WFS1: variants seen among roughly 807,000 people sequenced by gnomAD.
WFS1 encodes wolframin.
A neutral mutation model predicts 68.5 loss-of-function variants in WFS1; 90 were observed. The ratio of observed to expected loss-of-function variants is 1.31; its 90% confidence interval spans 1.11 to 1.56. WFS1 has a LOEUF of 1.56. WFS1 is among the 40% of genes most tolerant of loss of function. WFS1 has a pLI of 0.00. For synonymous variants in WFS1, 860 were observed against 540.7 expected, an observed-to-expected ratio of 1.59 and a Z score of -8.19; for missense variants, 1,767 against 1,232.6, an observed-to-expected ratio of 1.43 and a Z score of -6.49.
rs1024648941 is a variant in WFS1 at position 6,283,165 on chromosome 4, G to A, written c.233-3928G>A. Among the ~76,000 whole-genome samples, 1 of 152,176 alleles carries A rather than the reference G, an allele frequency of 6.6e-6. No individual in the cohort carries two copies. The highest frequency in any genetic ancestry group is 1.5e-5 in the Non-Finnish European group (1 of 68,044). On this transcript the variant is annotated intron_variant, in intron 2 of 7. Coordinates refer to ENST00000226760, the MANE Select transcript of WFS1 (RefSeq NM_006005.3). The surrounding 1 kb of genome is among the most constrained non-coding windows in gnomAD (Gnocchi z 5.0). ...GAGGGTCATTGACTGATTCCACGTGGCATCCATGAATCTCTCAAATCCATA... is the reference window on the plus strand; with the variant it reads ...GAGGGTCATTGACTGATTCCACGTGACATCCATGAATCTCTCAAATCCATA...
chr4:6,299,098 C>T (rs972011099), intron 7 of WFS1, among the ~76,000 whole-genome samples: 1 of 152,260 alleles, frequency 6.6e-6, no homozygotes, highest in Non-Finnish European at 1.5e-5. Flanking sequence ...GCTGTGTGAG[C>T]ACTGGCACCA....
At chr4:6,300,063 C>T (rs1578607336) in intron 7 of WFS1, among the ~76,000 whole-genome samples, 1 of 152,030 alleles carries the variant, frequency 6.6e-6, no homozygotes, top group Non-Finnish European at 1.5e-5. Context: ...CCCCGTGCAG[C>T]TGAACGGTAT....
rs1200815687 is a variant in WFS1, at chr4:6,287,076, T to C, written c.233-17T>C. ...TCTGGCTTTGTGACATGTGTGTTTG[T>C]TTCTTCTGTGTTAAAGGGCCTACAA... On this transcript the variant is annotated splice_polypyrimidine_tract_variant and intron_variant, in intron 2 of 7. Coordinates refer to ENST00000226760, the MANE Select transcript of WFS1 (RefSeq NM_006005.3). The surrounding 1 kb of genome is among the most constrained non-coding windows in gnomAD (Gnocchi z 6.4). 18 of 1,552,952 alleles carry C rather than the reference T, an allele frequency of 1.2e-5. No individual in the cohort carries two copies. The highest frequency in any genetic ancestry group is 1.5e-5 in the Non-Finnish European group (17 of 1,146,900).
intron 1 of WFS1, among the ~76,000 whole-genome samples, chr4:6,272,194 A>G (rs770501847): frequency 3.3e-5 from 5 of 152,330 alleles, no homozygotes; most frequent in South Asian, 2.1e-4. Context: ...AGCTGCTCCA[A>G]TGCTGGCCCT....
intron 6 of WFS1, 121 bp downstream of exon 6, chr4:6,292,118 G>C (rs575470091): frequency 2.0e-6 from 2 of 1,013,376 alleles, no homozygotes; most frequent in Non-Finnish European, 3.0e-6. Flanking sequence ...CCCAGCCTGC[G>C]CCTGCAGGGC....
Position 6,301,885 on chromosome 4 carries a change from G to A in WFS1, c.2090G>A (p.Arg697Lys), listed in dbSNP as rs1289628809. ...CTCTGCAGCCACCTGGAGGGCCACA[G>A]GGTCACGTGGACCGGCCGCTTCAAG... ...QILCSHLEGH[R>K]VTWTGRFKYV... The change falls in exon 8 of 8, where the codon AGG becomes AAG. Residue 697 changes from arginine to lysine, a missense_variant. Transcript: ENST00000226760. 2 of 1,612,712 alleles carry A rather than the reference G, an allele frequency of 1.2e-6. No individual in the cohort carries two copies. The highest frequency in any genetic ancestry group is 4.5e-5 in the East Asian group (2 of 44,870).
intron 2 of WFS1, among the ~76,000 whole-genome samples, chr4:6,282,222 G>A (rs539056697): frequency 1.7e-4 from 26 of 152,352 alleles, no homozygotes; most frequent in African/African-American, 6.0e-4. Context: ...GTCCATTCAC[G>A]AGAATCATTG....
Position 6,301,806 on chromosome 4 carries a change from G to A in WFS1, c.2011G>A (p.Ala671Thr), listed in dbSNP as rs763020615. 11 of 1,613,150 alleles carry A rather than the reference G, an allele frequency of 6.8e-6. No homozygotes were observed. The highest frequency in any genetic ancestry group is 5.9e-6 in the Non-Finnish European group (7 of 1,180,036). Residue 671 changes from alanine (A) to threonine (T), a missense_variant, in exon 8 of 8, where the codon GCG (alanine) becomes ACG (threonine). Physicochemically the swap from Ala to Thr is moderately conservative, Grantham distance 58. Transcript: ENST00000226760. ...NSTLTWQQYG[A>T]LCGPRAWKET... The stretch of plus-strand genomic sequence containing the variant: ...CACACTGACCTGGCAGCAGTATGGT[G>A]CGCTGTGCGGGCCACGCGCCTGGAA...
chr4:6,302,866 G>A lies in WFS1; in HGVS notation c.*398G>A. 1 of 294,392 alleles carries A rather than the reference G, an allele frequency of 3.4e-6. No individual in the cohort carries two copies. The highest frequency in any genetic ancestry group is 8.6e-5 in the East Asian group (1 of 11,694). 18.2% of individuals were successfully genotyped at this position (294,392 alleles called of 1,614,324 possible). On this transcript the variant is annotated 3_prime_UTR_variant, in exon 8 of 8. Coordinates refer to ENST00000226760, the MANE Select transcript of WFS1 (RefSeq NM_006005.3). The stretch of plus-strand genomic sequence containing the variant: ...TTGGATTTGTTTAAAAACCAAATAA[G>A]CATCTGTGTAACCTCCACAGTAGCA...
Position 6,291,811 on chromosome 4 carries a change from C to T in WFS1, c.632-106C>T, listed in dbSNP as rs559890448. The stretch of plus-strand genomic sequence containing the variant: ...TATGATCCCCAGAACGTAGGATGCC[C>T]CTGGAACTGGCGTGCCCTAGGAACA... On this transcript the variant is annotated intron_variant, in intron 5 of 7. Coordinates refer to ENST00000226760, the MANE Select transcript of WFS1 (RefSeq NM_006005.3). The T allele has an allele frequency of 1.8e-3, 2,296 of 1,246,596 alleles. 64 individuals are homozygous for T. The South Asian group carries it at 0.028, about 15-fold the overall frequency. 77.2% of individuals were successfully genotyped at this position (1,246,596 alleles called of 1,614,324 possible). A position where few individuals can be genotyped will look rare whatever the true frequency, so the allele number is the denominator to read the frequency against.
chr4:6,296,797 C>T (rs1172655693), intron 7 of WFS1, among the ~76,000 whole-genome samples: 1 of 152,116 alleles, frequency 6.6e-6, no homozygotes, highest in Non-Finnish European at 1.5e-5. Context: ...GATGGTGAGT[C>T]TAGTGTTGTG....
At chr4:6,275,186 G>C (rs1729957988) in intron 1 of WFS1, among the ~76,000 whole-genome samples, 1 of 152,240 alleles carries the variant, frequency 6.6e-6, no homozygotes, top group Non-Finnish European at 1.5e-5. Flanking sequence ...GCGTAGGTCA[G>C]CCCTCAGTAA....
rs771390976 is a variant in WFS1 at position 6,302,531 on chromosome 4, C to T, written c.*63C>T. The T allele has an allele frequency of 1.2e-5, 20 of 1,601,878 alleles. No individual in the cohort carries two copies. The highest frequency in any genetic ancestry group is 1.7e-5 in the Admixed American group (1 of 59,868). On this transcript the variant is annotated 3_prime_UTR_variant, in exon 8 of 8. Transcript: ENST00000226760. Reference sequence around the variant, plus strand: ...CATGAGGCCTTTCCCCAGTGTGGCCCCAGCCCGACAGGCATGCACCAGTGC... The same window carrying T: ...CATGAGGCCTTTCCCCAGTGTGGCCTCAGCCCGACAGGCATGCACCAGTGC...
intron 7 of WFS1, among the ~76,000 whole-genome samples, chr4:6,300,183 C>G (rs28716718): frequency 0.057 from 8,661 of 152,182 alleles, 296 homozygotes; most frequent in African/African-American, 0.084. Context: ...TTCTCCTCCT[C>G]GTAAGGATCG....
intron 1 of WFS1, among the ~76,000 whole-genome samples, chr4:6,275,444 C>T (rs1227485903): frequency 6.6e-6 from 1 of 152,178 alleles, no homozygotes; most frequent in African/African-American, 2.4e-5. Context: ...TAAATGGCTG[C>T]TTTTGTGGAA....
At chr4:6,278,266 G>A (rs1560402297) in intron 2 of WFS1, among the ~76,000 whole-genome samples, 1 of 152,206 alleles carries the variant, frequency 6.6e-6, no homozygotes, top group East Asian at 1.9e-4. Context: ...GAGGCCCTTG[G>A]TGTTCACAGG....
At chr4:6,280,792 C>T (rs957530772) in intron 2 of WFS1, among the ~76,000 whole-genome samples, 1 of 152,140 alleles carries the variant, frequency 6.6e-6, no homozygotes, top group Non-Finnish European at 1.5e-5. Context: ...CCTGAGCTCT[C>T]CTGCTGTCTC....
At chr4:6,295,620 G>A (rs1416912082) in intron 7 of WFS1, among the ~76,000 whole-genome samples, 1 of 152,262 alleles carries the variant, frequency 6.6e-6, no homozygotes, top group Non-Finnish European at 1.5e-5. Flanking sequence ...AGGCCAGGGA[G>A]GACGTGCAGA....
intron 2 of WFS1, among the ~76,000 whole-genome samples, chr4:6,282,865 A>G (rs1730206184): frequency 6.6e-6 from 1 of 152,184 alleles, no homozygotes; most frequent in African/African-American, 2.4e-5. Context: ...GTCCTGGACT[A>G]TGCTAGGATT....
Sources: allele counts gnomAD v4.1 joint callset (sites outside exome capture counted in the v4.1 genomes callset), GRCh38; gene constraint gnomAD v4.1.1; non-coding constraint Gnocchi (gnomAD v3.1); transcripts MANE v1.5; gene names NCBI Gene and HGNC (gene_info 2026-07-23, HGNC 2026-07-21).